Variants in ATP2C1 observed in about 807,000 individuals in gnomAD.
ATP2C1 encodes calcium-transporting ATPase type 2C member 1.
Under a neutral mutation model 120.5 loss-of-function variants are expected in ATP2C1, and 31 were observed. The ratio of observed to expected loss-of-function variants is 0.26; its 90% CI spans 0.19 to 0.35. The LOEUF is 0.35. ATP2C1 is among the 10% of genes least tolerant of loss of function. The pLI is 1.00. For synonymous variants in ATP2C1, 351 were observed against 358.7 expected, an observed-to-expected ratio of 0.98 and a Z score of 0.24; for missense variants, 731 against 1,107.5, an observed-to-expected ratio of 0.66 and a Z score of 4.83.
chr3:130,921,956 G>A (rs1034169236), intron 2 of ATP2C1, among the ~76,000 whole-genome samples: 2 of 152,088 alleles, frequency 1.3e-5, no homozygotes, highest in African/African-American at 4.8e-5. Flanking sequence ...TTGTTTTGGT[G>A]TTAGGGTGAT....
chr3:130,960,099 G>C (rs1348024431), intron 12 of ATP2C1, among the ~76,000 whole-genome samples: 1 of 152,146 alleles, frequency 6.6e-6, no homozygotes, highest in African/African-American at 2.4e-5. Context: ...ACATAATTGT[G>C]AAACTAAAGA....
At chr3:130,942,684 G>A (rs1357014651) in intron 8 of ATP2C1, among the ~76,000 whole-genome samples, 1 of 152,032 alleles carries the variant, frequency 6.6e-6, no homozygotes, top group East Asian at 1.9e-4. Context: ...GCTTTAATTG[G>A]GTGACTAGGA....
intron 3 of ATP2C1, among the ~76,000 whole-genome samples, chr3:130,930,932 T>G (rs1421727365): frequency 6.6e-6 from 1 of 152,148 alleles, no homozygotes; most frequent in Non-Finnish European, 1.5e-5. Context: ...GTTTATCTTT[T>G]TTTGATAAGG....
At chr3:130,980,320 A>G (rs887463601) in intron 19 of ATP2C1, among the ~76,000 whole-genome samples, 31 of 151,640 alleles carry the variant, frequency 2.0e-4, no homozygotes, top group African/African-American at 7.3e-4. Context: ...TCCTGGGCTC[A>G]AGTGATCCTG....
intron 12 of ATP2C1, chr3:130,962,760 C>T (rs1360940562): frequency 6.8e-6 from 1 of 146,630 alleles, no homozygotes; most frequent in African/African-American, 2.5e-5. Context: ...AAAAGGATTC[C>T]ATTTGAACTA....
At chr3:130,855,912 G>A (rs2067824932) in intron 1 of ATP2C1, 1 of 152,178 alleles carries the variant, frequency 6.6e-6, no homozygotes, top group African/African-American at 2.4e-5. Context: ...AGAAAACACA[G>A]GCCAGCTAAT....
At chr3:131,010,084 G>C (rs1339629226) in intron 26 of ATP2C1, among the ~76,000 whole-genome samples, 3 of 151,960 alleles carry the variant, frequency 2.0e-5, no homozygotes, top group African/African-American at 7.3e-5. Flanking sequence ...AACTGGGTTT[G>C]GCCTCCTTAG....
intron 1 of ATP2C1, among the ~76,000 whole-genome samples, chr3:130,888,961 C>G (rs1382657123): frequency 1.3e-5 from 2 of 152,142 alleles, no homozygotes; most frequent in Non-Finnish European, 2.9e-5. Context: ...ATATTAAACA[C>G]TGAAATAAAT....
chr3:130,857,655 T>C (rs999245486), intron 1 of ATP2C1, among the ~76,000 whole-genome samples: 2 of 152,216 alleles, frequency 1.3e-5, no homozygotes, highest in African/African-American at 4.8e-5. Flanking sequence ...CCATTTGCTT[T>C]TTGGATACAG....
rs183349134 is a variant in ATP2C1, at chr3:130,958,329, A to T, written c.833-946A>T. On this transcript the variant is annotated intron_variant, in intron 11 of 27. Transcript: ENST00000510168. ...TTGCCATTAGCATGAAAGCAATCAT[A>T]GAAAATATGTAAATAAATGAGTGTG... 4.1e-4 allele frequency among the ~76,000 whole-genome samples: 63 copies of T among 152,282 alleles called. No individual in the cohort carries two copies. In the East Asian group the frequency reaches 0.011, roughly 27 times the overall value.
chr3:130,980,598 G>C lies in ATP2C1; in HGVS notation c.1758G>C (p.Leu586Phe). ...TTGCTTTAGCCAGTCGTCTGGGATTGTATTCCAAAACTTCCCAGTCAGTCT... is the reference window on the plus strand; with the variant it reads ...TTGCTTTAGCCAGTCGTCTGGGATTCTATTCCAAAACTTCCCAGTCAGTCT... ...TAVAIASRLG[L>F]YSKTSQSVSG... The change falls in exon 20 of 28, where the codon TTG (leucine) becomes TTC (phenylalanine). Residue 586 changes from leucine to phenylalanine, a missense_variant. Leu to Phe is a conservative substitution (Grantham distance 22). This residue lies in a region of ATP2C1 where 571 missense variants were observed against 845.9 expected (regional missense o/e 0.67). Coordinates refer to ENST00000510168, the MANE Select transcript of ATP2C1 (RefSeq NM_001378687.1). The C allele has an allele frequency of 6.2e-7, 1 of 1,612,932 alleles. No individual in the cohort carries two copies. The highest frequency in any genetic ancestry group is 8.5e-7 in the Non-Finnish European group (1 of 1,179,202).
At chr3:130,997,825 T>C in intron 25 of ATP2C1, 72 bp downstream of exon 25, 3 of 1,545,696 alleles carry the variant, frequency 1.9e-6, no homozygotes, top group South Asian at 1.1e-5. Context: ...GTTATTTTGA[T>C]GGGTTACCCA....
upstream of ATP2C1, chr3:130,894,050 G>A: frequency 4.1e-6 from 4 of 986,266 alleles, no homozygotes; most frequent in Non-Finnish European, 4.8e-6. This position sits in a 1 kb window ranked among gnomAD's most constrained non-coding sequence, Gnocchi z 4.5. Context: ...CCGGCGGCGG[G>A]GAGGGGCGGA....
chr3:130,956,543 T>G (rs1047828280), intron 11 of ATP2C1, among the ~76,000 whole-genome samples: 2 of 152,046 alleles, frequency 1.3e-5, no homozygotes, highest in African/African-American at 2.4e-5. Flanking sequence ...TATAGTTTTC[T>G]ATTTTGTGGG....
intron 5 of ATP2C1, among the ~76,000 whole-genome samples, chr3:130,936,833 A>AC (rs1559945434): frequency 6.6e-6 from 1 of 150,788 alleles, no homozygotes; most frequent in East Asian, 1.9e-4. Context: ...AAAAAAAAAA[A>AC]AAACTCCTCC....
chr3:131,015,263 C>T (rs897590388), intron 26 of ATP2C1: 6 of 699,882 alleles, frequency 8.6e-6, no homozygotes, highest in Non-Finnish European at 1.6e-5. Context: ...GGGGCTGCAA[C>T]AGCAAATAAA....
rs5852612 is a variant in ATP2C1 at position 130,979,683 on chromosome 3, CA to C, written c.1741+266del. Among the ~76,000 whole-genome samples, 133,243 of 151,982 alleles carry C rather than the reference CA, an allele frequency of 0.88. 59,042 individuals are homozygous for C. Among genetic ancestry groups the C allele is most frequent in the Non-Finnish European group, 0.95 (64,322 of 67,950 alleles). On this transcript the variant is annotated intron_variant, in intron 19 of 27. Coordinates refer to ENST00000510168, the MANE Select transcript of ATP2C1 (RefSeq NM_001378687.1). Reference sequence around the variant, plus strand: ...GGGTAATTATTTTTAATCTCATGATCAACTGTGATGACAGAGTAAAAGCACT... The same window carrying C: ...GGGTAATTATTTTTAATCTCATGATCACTGTGATGACAGAGTAAAAGCACT...
intron 1 of ATP2C1, among the ~76,000 whole-genome samples, chr3:130,879,038 T>A (rs910474642): frequency 6.6e-6 from 1 of 152,132 alleles, no homozygotes; most frequent in South Asian, 2.1e-4. Flanking sequence ...GTTTATTTCA[T>A]ACATTGGGTT....
Position 130,930,445 on chromosome 3 carries a change from T to C in ATP2C1, c.36T>C (p.Gly12=), listed in dbSNP as rs2059404477. ...KVARFQKIPN[G]ENETMIPVLT... ...CACGTTTTCAAAAAATACCTAATGG[T>C]GAAAATGAGACAATGATTCCTGTAT... is the stretch of plus-strand genomic sequence containing the variant. The change falls in exon 3 of 28, where the codon GGT becomes GGC. Residue 12 remains glycine (G), a synonymous_variant. Transcript: ENST00000510168. 2 of 1,613,154 alleles carry C rather than the reference T, an allele frequency of 1.2e-6. No individual in the cohort carries two copies. The highest frequency in any genetic ancestry group is 1.7e-6 in the Non-Finnish European group (2 of 1,179,192).
Sources: allele counts gnomAD v4.1 joint callset (sites outside exome capture counted in the v4.1 genomes callset), GRCh38; gene constraint gnomAD v4.1.1; regional missense constraint gnomAD v4.1.1; non-coding constraint Gnocchi (gnomAD v3.1); transcripts MANE v1.5; gene names NCBI Gene and HGNC (gene_info 2026-07-23, HGNC 2026-07-21).